Variants in GNAQ observed in about 807,000 individuals in gnomAD.
The protein encoded by GNAQ is guanine nucleotide-binding protein G(q) subunit alpha.
GNAQ carries 8 observed loss-of-function variants against 43.9 expected under a neutral mutation model. The ratio of observed to expected loss-of-function variants is 0.18; its 90% CI spans 0.11 to 0.33. The LOEUF is 0.33. Among genes scored for constraint, GNAQ ranks in the 10% least tolerant of loss-of-function variants. The pLI, the probability that GNAQ is intolerant of heterozygous loss-of-function variation, is 1.00. For missense variants in GNAQ, 158 were observed against 450.8 expected (o/e 0.35, Z 5.88); for synonymous variants, 155 against 170.7 (o/e 0.91, Z 0.71).
At chr9:77,953,794 C>T (rs1242289372) in intron 1 of GNAQ, among the ~76,000 whole-genome samples, 2 of 152,154 alleles carry the variant, frequency 1.3e-5, no homozygotes, top group Non-Finnish European at 2.9e-5. Flanking sequence ...AAATCAAATA[C>T]AGCTGCTGGC....
intron 1 of GNAQ, among the ~76,000 whole-genome samples, chr9:77,976,313 C>A (rs1056784722): frequency 6.6e-6 from 1 of 152,146 alleles, no homozygotes; most frequent in Middle Eastern, 3.2e-3. Context: ...GAGTCCTAAC[C>A]AGTGGTAAAA....
At chr9:78,023,642 G>T (rs1191185407) in intron 1 of GNAQ, among the ~76,000 whole-genome samples, 1 of 149,554 alleles carries the variant, frequency 6.7e-6, no homozygotes, top group Non-Finnish European at 1.5e-5. Context: ...GAAAATGTAG[G>T]AAAGAAACAA....
intron 2 of GNAQ, among the ~76,000 whole-genome samples, chr9:77,847,054 C>T (rs1406520591): frequency 6.6e-6 from 1 of 152,108 alleles, no homozygotes; most frequent in Non-Finnish European, 1.5e-5. Flanking sequence ...AGCATCAATG[C>T]CAGATTAGTG....
chr9:77,992,586 T>C (rs1355259322), intron 1 of GNAQ, among the ~76,000 whole-genome samples: 1 of 152,118 alleles, frequency 6.6e-6, no homozygotes, highest in African/African-American at 2.4e-5. Flanking sequence ...GTAACCTCTA[T>C]AAAAGGTATG....
At chr9:77,875,519 G>A (rs939444262) in intron 2 of GNAQ, among the ~76,000 whole-genome samples, 4 of 152,124 alleles carry the variant, frequency 2.6e-5, no homozygotes, top group African/African-American at 4.8e-5. Context: ...TTTGCTTCAC[G>A]CAAATAAGAT....
In GNAQ at chr9:77,889,410, CAAAAAAAAAAAAAAA is replaced by C. The variant is rs58496646; in HGVS notation, c.321+32736_321+32750del. On this transcript the variant is annotated intron_variant, in intron 2 of 6. Transcript: ENST00000286548. Reference sequence around the variant, plus strand: ...TGGGCGACAAAGCCAGACCCTGTCTCAAAAAAAAAAAAAAAAAAAAAAAAAAAAAAAAAAAAAATC... The same window carrying C: ...TGGGCGACAAAGCCAGACCCTGTCTCAAAAAAAAAAAAAAAAAAAAAAATC... 1.4e-3 allele frequency among the ~76,000 whole-genome samples: 69 copies of C among 48,062 alleles called. 1 individual carries two copies. The East Asian group carries it at 0.039, about 27-fold the overall frequency. 31.5% of individuals were successfully genotyped at this position (48,062 alleles called of 152,430 possible). A position where few individuals can be genotyped will look rare whatever the true frequency, so the allele number is the denominator to read the frequency against.
intron 2 of GNAQ, among the ~76,000 whole-genome samples, chr9:77,831,944 C>T (rs1827304720): frequency 6.6e-6 from 1 of 152,108 alleles, no homozygotes; most frequent in South Asian, 2.1e-4. Context: ...TCGCCAGCTC[C>T]TTCTCATAAT....
intron 5 of GNAQ, among the ~76,000 whole-genome samples, chr9:77,731,884 C>CT (rs1273569822): frequency 2.0e-5 from 3 of 152,110 alleles, no homozygotes; most frequent in Non-Finnish European, 4.4e-5. Flanking sequence ...GTGCAGACTT[C>CT]TTTTTTTCCC....
At chr9:77,726,737 T>C (rs7875020) in intron 6 of GNAQ, among the ~76,000 whole-genome samples, 123,162 of 152,140 alleles carry the variant, frequency 0.81, 50,066 homozygotes, top group Admixed American at 0.87. Context: ...ATGTGATATA[T>C]GTATGATTCC....
At chr9:77,788,810 T>C (rs1262270217) in intron 5 of GNAQ, among the ~76,000 whole-genome samples, 3 of 152,226 alleles carry the variant, frequency 2.0e-5, no homozygotes, top group Non-Finnish European at 4.4e-5. Flanking sequence ...CACGCTTTTA[T>C]GTTATGGCAC....
intron 2 of GNAQ, among the ~76,000 whole-genome samples, chr9:77,862,676 T>C (rs1293195898): frequency 1.3e-5 from 2 of 152,188 alleles, no homozygotes; most frequent in Non-Finnish European, 2.9e-5. Context: ...CCTGGAAACA[T>C]TTTCCCTATT....
intron 1 of GNAQ, among the ~76,000 whole-genome samples, chr9:77,955,688 T>C (rs1823032683): frequency 6.6e-6 from 1 of 152,216 alleles, no homozygotes; most frequent in Admixed American, 6.5e-5. Context: ...TGAAATCACT[T>C]AGTAGATTAA....
At chr9:77,762,050 A>G (rs1466106235) in intron 5 of GNAQ, among the ~76,000 whole-genome samples, 10 of 125,976 alleles carry the variant, frequency 7.9e-5, no homozygotes, top group African/African-American at 2.8e-4. Flanking sequence ...CTGCCCGGCC[A>G]GCCGCCCCGT....
At chr9:77,875,982 T>A (rs960830211) in intron 2 of GNAQ, among the ~76,000 whole-genome samples, 1 of 152,192 alleles carries the variant, frequency 6.6e-6, no homozygotes, top group Non-Finnish European at 1.5e-5. Flanking sequence ...ACATACCACC[T>A]GCACAATTTT....
chr9:77,837,167 G>A (rs1448891435), intron 2 of GNAQ, among the ~76,000 whole-genome samples: 2 of 152,110 alleles, frequency 1.3e-5, no homozygotes, highest in Non-Finnish European at 2.9e-5. Flanking sequence ...AAAGACATAT[G>A]TTAATCAGTC....
At chr9:77,762,623 C>T (rs1414810358) in intron 5 of GNAQ, among the ~76,000 whole-genome samples, 10 of 151,028 alleles carry the variant, frequency 6.6e-5, no homozygotes, top group African/African-American at 2.4e-4. Flanking sequence ...GAGAACGGGC[C>T]ATGATGACAA....
At chr9:77,920,117 G>T (rs1828974710) in intron 2 of GNAQ, among the ~76,000 whole-genome samples, 1 of 151,330 alleles carries the variant, frequency 6.6e-6, no homozygotes, top group Non-Finnish European at 1.5e-5. Context: ...CCAGCCTGAT[G>T]ACAGAGCAAG....
intron 2 of GNAQ, among the ~76,000 whole-genome samples, chr9:77,826,105 G>A (rs1298592578): frequency 6.6e-6 from 1 of 152,180 alleles, no homozygotes; most frequent in Non-Finnish European, 1.5e-5. Context: ...TAGCTAAGAA[G>A]GCTGCCAATA....
At chr9:77,801,503 T>C (rs1826742193) in intron 3 of GNAQ, among the ~76,000 whole-genome samples, 2 of 152,186 alleles carry the variant, frequency 1.3e-5, no homozygotes, top group African/African-American at 2.4e-5. Flanking sequence ...GAAATGGCCA[T>C]TAAAGACGCT....
Sources: allele counts gnomAD v4.1 joint callset (sites outside exome capture counted in the v4.1 genomes callset), GRCh38; gene constraint gnomAD v4.1.1; transcripts MANE v1.5; gene names NCBI Gene and HGNC (gene_info 2026-07-23, HGNC 2026-07-21).